Variants in CRPPA observed in about 807,000 individuals in gnomAD.
The protein encoded by CRPPA is CDP-L-ribitol pyrophosphorylase A.
A neutral mutation model predicts 52.0 loss-of-function variants in CRPPA; 43 were observed. That is an observed-to-expected ratio of 0.83 (90% confidence interval 0.65 to 1.07). The LOEUF is 1.07. Ranked by LOEUF, CRPPA falls within the 50% of genes least tolerant of loss-of-function variation. The probability of loss-of-function intolerance (pLI) is 0.00; values close to 1 mark genes in which losing one functional copy is unlikely to be tolerated. For synonymous variants in CRPPA, 250 were observed against 203.5 expected (o/e 1.23, Z -1.94); for missense variants, 629 against 551.7 (o/e 1.14, Z -1.40).
At chr7:16,221,506 G>A (rs1782502776) in intron 8 of CRPPA, among the ~76,000 whole-genome samples, 1 of 152,044 alleles carries the variant, frequency 6.6e-6, no homozygotes, top group Non-Finnish European at 1.5e-5. Flanking sequence ...GAGTGAACAG[G>A]CAACCTACAA....
intron 8 of CRPPA, among the ~76,000 whole-genome samples, chr7:16,221,051 A>G (rs1782484932): frequency 6.6e-6 from 1 of 152,138 alleles, no homozygotes; most frequent in Non-Finnish European, 1.5e-5. Context: ...ACTATACTAC[A>G]AGGCTACAGT....
chr7:16,274,073 G>A (rs977674623), intron 6 of CRPPA, among the ~76,000 whole-genome samples: 9 of 152,002 alleles, frequency 5.9e-5, no homozygotes, highest in Non-Finnish European at 1.0e-4. Flanking sequence ...TTTTTGAGAC[G>A]GAGTCTCGCT....
chr7:16,179,460 A>T (rs929531244), intron 9 of CRPPA, among the ~76,000 whole-genome samples: 1 of 152,102 alleles, frequency 6.6e-6, no homozygotes, highest in Non-Finnish European at 1.5e-5. Flanking sequence ...GCCCAACATA[A>T]TCACAGGATT....
At chr7:16,334,426 T>C (rs1487445101) in intron 3 of CRPPA, among the ~76,000 whole-genome samples, 13 of 152,214 alleles carry the variant, frequency 8.5e-5, no homozygotes, top group Non-Finnish European at 1.9e-4. Context: ...GCTGCAGAGC[T>C]GTTACTCCAA....
intron 6 of CRPPA, among the ~76,000 whole-genome samples, chr7:16,262,984 T>C (rs1275006381): frequency 6.6e-6 from 1 of 152,236 alleles, no homozygotes; most frequent in Admixed American, 6.5e-5. Context: ...ATTTTATGAA[T>C]GATCTTTATC....
At chr7:16,272,847 C>G (rs1005568904) in intron 6 of CRPPA, among the ~76,000 whole-genome samples, 1 of 152,066 alleles carries the variant, frequency 6.6e-6, no homozygotes. Flanking sequence ...GCAAATCAAA[C>G]TGCAAGTTTC....
Position 16,231,889 on chromosome 7 carries a change from A to C in CRPPA, c.1120-15692T>G, listed in dbSNP as rs144195957. ...AGACACAAAACAAAGTGAGCTGTACATGTACCCCATCCTACTGCCCGCAAG... is the reference window on the plus strand; with the variant it reads ...AGACACAAAACAAAGTGAGCTGTACCTGTACCCCATCCTACTGCCCGCAAG... On this transcript the variant is annotated intron_variant, in intron 8 of 9. Transcript: ENST00000407010. 7.9e-4 allele frequency among the ~76,000 whole-genome samples: 121 copies of C among 152,336 alleles called. 1 individual carries two copies. Among genetic ancestry groups the C allele is most frequent in the African/African-American group, 2.8e-3 (115 of 41,588 alleles).
chr7:16,174,239 T>C (rs1453418822), intron 9 of CRPPA, among the ~76,000 whole-genome samples: 1 of 152,154 alleles, frequency 6.6e-6, no homozygotes, highest in Non-Finnish European at 1.5e-5. Flanking sequence ...AACTGGGCTC[T>C]AGAAAAACCT....
chr7:16,274,805 T>G (rs1472275114), intron 6 of CRPPA, among the ~76,000 whole-genome samples: 4 of 152,144 alleles, frequency 2.6e-5, no homozygotes, highest in Admixed American at 2.6e-4. Flanking sequence ...AAATTATAAA[T>G]GGCCAGGAGA....
intron 5 of CRPPA, among the ~76,000 whole-genome samples, chr7:16,282,014 G>T (rs2128418562): frequency 6.6e-6 from 1 of 152,098 alleles, no homozygotes; most frequent in African/African-American, 2.4e-5. Context: ...AATCATGATT[G>T]ATTCTGTCTT....
intron 3 of CRPPA, among the ~76,000 whole-genome samples, chr7:16,310,801 A>G (rs1055200152): frequency 4.6e-5 from 7 of 152,162 alleles, no homozygotes; most frequent in African/African-American, 7.2e-5. Context: ...AACGAAAACT[A>G]TCTTACAAAC....
chr7:16,271,885 C>G (rs1331948490), intron 6 of CRPPA, among the ~76,000 whole-genome samples: 5 of 152,160 alleles, frequency 3.3e-5, no homozygotes, highest in African/African-American at 7.2e-5. Flanking sequence ...CTCCCTGTAT[C>G]TAGTGACTAT....
intron 9 of CRPPA, among the ~76,000 whole-genome samples, chr7:16,123,688 A>G (rs1782520604): frequency 6.6e-6 from 1 of 152,002 alleles, no homozygotes; most frequent in East Asian, 1.9e-4. Context: ...AGCACATTAA[A>G]CTCTGGAAAT....
chr7:16,158,040 A>G (rs62440370), intron 9 of CRPPA, among the ~76,000 whole-genome samples: 2 of 149,448 alleles, frequency 1.3e-5, no homozygotes, highest in African/African-American at 2.5e-5. Context: ...ACGCCCAGCT[A>G]ATTTTTTTTT....
intron 1 of CRPPA, among the ~76,000 whole-genome samples, chr7:16,413,049 G>A (rs1418269765): frequency 6.6e-6 from 1 of 152,218 alleles, no homozygotes; most frequent in East Asian, 1.9e-4. Flanking sequence ...AGTCTGCAGA[G>A]TTTGGCTGCA....
At chr7:16,192,486 G>A (rs1292209548) in intron 9 of CRPPA, among the ~76,000 whole-genome samples, 1 of 152,056 alleles carries the variant, frequency 6.6e-6, no homozygotes, top group African/African-American at 2.4e-5. Context: ...TAATGATTTT[G>A]ACAAATACAT....
chr7:16,100,331 A>C (rs879442470), intron 9 of CRPPA, among the ~76,000 whole-genome samples: 3 of 152,106 alleles, frequency 2.0e-5, no homozygotes, highest in African/African-American at 4.8e-5. Context: ...CAAAATCCCT[A>C]ATGTTTTTAT....
chr7:16,135,563 A>C (rs1240523740), intron 9 of CRPPA, among the ~76,000 whole-genome samples: 1 of 152,178 alleles, frequency 6.6e-6, no homozygotes, highest in East Asian at 1.9e-4. Flanking sequence ...TCTGATAAAA[A>C]GGCCAGAGGG....
chr7:16,135,386 A>G (rs1025647298), intron 9 of CRPPA, among the ~76,000 whole-genome samples: 5 of 152,122 alleles, frequency 3.3e-5, no homozygotes, highest in Non-Finnish European at 5.9e-5. Context: ...TATGCCTTAT[A>G]ATTATGTTAA....
Sources: gnomAD v4.1 joint callset for allele counts (sites outside exome capture counted in the v4.1 genomes callset) on GRCh38, gnomAD v4.1.1 for gene constraint, MANE v1.5 for transcripts, NCBI Gene and HGNC (gene_info 2026-07-23, HGNC 2026-07-21) for gene names.